The following GRM7 variants were observed in gnomAD, a reference collection of about 807,000 sequenced individuals.
The protein encoded by GRM7 is glutamate metabotropic receptor 7.
Under a neutral mutation model 84.5 loss-of-function variants are expected in GRM7, and 35 were observed. That is an observed-to-expected ratio of 0.41 (90% CI 0.32 to 0.55). The LOEUF is 0.55. GRM7 is among the 20% of genes least tolerant of loss of function. The pLI is 0.19. For missense variants in GRM7, 1,003 were observed against 1,194.6 expected, an observed-to-expected ratio of 0.84 and a Z score of 2.36; for synonymous variants, 487 against 455.1, an observed-to-expected ratio of 1.07 and a Z score of -0.89.
At chr3:6,969,146 T>C (rs1327409330) in intron 1 of GRM7, among the ~76,000 whole-genome samples, 1 of 152,092 alleles carries the variant, frequency 6.6e-6, no homozygotes, top group Non-Finnish European at 1.5e-5. Context: ...ATCCTTTTTA[T>C]TTTGCTTGCT....
intron 1 of GRM7, among the ~76,000 whole-genome samples, chr3:7,124,231 C>T (rs1312250420): frequency 1.3e-5 from 2 of 152,140 alleles, no homozygotes; most frequent in Admixed American, 6.5e-5. Context: ...TCTGAAAATA[C>T]TTTAGTTGAA....
At chr3:7,483,498 A>G (rs1699209848) in intron 7 of GRM7, among the ~76,000 whole-genome samples, 1 of 152,228 alleles carries the variant, frequency 6.6e-6, no homozygotes. Context: ...TGTGATTGAC[A>G]GTAGAAGGTG....
chr3:7,226,537 A>G (rs1478821760), intron 2 of GRM7, among the ~76,000 whole-genome samples: 1 of 152,212 alleles, frequency 6.6e-6, no homozygotes, highest in Non-Finnish European at 1.5e-5. Context: ...TAACACAATC[A>G]TAGGAGTGAC....
intron 1 of GRM7, among the ~76,000 whole-genome samples, chr3:7,068,192 G>GT (rs1402420052): frequency 6.6e-6 from 1 of 151,966 alleles, no homozygotes; most frequent in Non-Finnish European, 1.5e-5. Context: ...TAGAATAAAT[G>GT]TAACATGTAC....
chr3:7,566,858 T>C (rs935892594), intron 7 of GRM7, among the ~76,000 whole-genome samples: 1 of 152,138 alleles, frequency 6.6e-6, no homozygotes, highest in Non-Finnish European at 1.5e-5. Flanking sequence ...CTTAGGGGTA[T>C]AGAAAGGTTT....
intron 1 of GRM7, among the ~76,000 whole-genome samples, chr3:7,078,123 G>C (rs1352833754): frequency 6.6e-6 from 1 of 152,142 alleles, no homozygotes; most frequent in Non-Finnish European, 1.5e-5. Flanking sequence ...AAAAGAGAAG[G>C]CTTTGCAATT....
chr3:7,320,487 T>C (rs1170377099), intron 4 of GRM7, among the ~76,000 whole-genome samples: 1 of 152,072 alleles, frequency 6.6e-6, no homozygotes, highest in Non-Finnish European at 1.5e-5. Context: ...TCTCTATCCC[T>C]GTCTTTGGAG....
intron 4 of GRM7, among the ~76,000 whole-genome samples, chr3:7,337,688 A>G (rs948869131): frequency 2.0e-5 from 3 of 152,134 alleles, no homozygotes; most frequent in Admixed American, 1.3e-4. Flanking sequence ...GGAAATGCAA[A>G]TCAAAACCAC....
intron 2 of GRM7, among the ~76,000 whole-genome samples, chr3:7,241,498 A>G (rs978025806): frequency 6.6e-6 from 1 of 152,124 alleles, no homozygotes; most frequent in African/African-American, 2.4e-5. Context: ...CATCTCATCA[A>G]TCTGAGGTCA....
chr3:7,159,078 T>G (rs1694542814), intron 2 of GRM7, among the ~76,000 whole-genome samples: 1 of 152,184 alleles, frequency 6.6e-6, no homozygotes, highest in Non-Finnish European at 1.5e-5. Context: ...AGGGTTTCTT[T>G]TATGTATCCA....
intron 1 of GRM7, among the ~76,000 whole-genome samples, chr3:7,008,692 T>C (rs1473138894): frequency 2.0e-5 from 3 of 152,228 alleles, no homozygotes; most frequent in Non-Finnish European, 1.5e-5. Flanking sequence ...GAAGTACTAG[T>C]TGTTTTTACC....
At chr3:7,669,526 T>G (rs1002450311) in intron 8 of GRM7, among the ~76,000 whole-genome samples, 1 of 152,206 alleles carries the variant, frequency 6.6e-6, no homozygotes, top group Non-Finnish European at 1.5e-5. Flanking sequence ...TTTGAGCTAA[T>G]GCAGCAGGAC....
At chr3:7,117,720 A>T (rs189062553) in intron 1 of GRM7, among the ~76,000 whole-genome samples, 1 of 152,322 alleles carries the variant, frequency 6.6e-6, no homozygotes, top group East Asian at 1.9e-4. Flanking sequence ...CTTATGGGCC[A>T]TGTGAAGTTG....
At chr3:7,168,036 C>G (rs1463742433) in intron 2 of GRM7, among the ~76,000 whole-genome samples, 4 of 142,578 alleles carry the variant, frequency 2.8e-5, no homozygotes, top group African/African-American at 1.0e-4. Context: ...AAAATCTGTC[C>G]CAATTAAAGT....
intron 1 of GRM7, among the ~76,000 whole-genome samples, chr3:7,111,441 A>G (rs1022293454): frequency 6.6e-6 from 1 of 152,148 alleles, no homozygotes; most frequent in African/African-American, 2.4e-5. Flanking sequence ...GCATTTAGGA[A>G]GTAAAATCAG....
At chr3:7,146,820 G>C in intron 2 of GRM7, 152 bp downstream of exon 2, 1 of 616,558 alleles carries the variant, frequency 1.6e-6, no homozygotes, top group Non-Finnish European at 2.8e-6. Context: ...GTATGACTTT[G>C]TTGTTTTTGG....
rs148929460 is a variant in GRM7 at position 7,187,572 on chromosome 3, G to A, written c.736+40904G>A. The stretch of plus-strand genomic sequence containing the variant: ...GAAGCAACAGTGTTACAGGTCTGAT[G>A]GCGTTGCAGCTCCGTGATTGCTCCT... On this transcript the variant is annotated intron_variant, in intron 2 of 9. Transcript: ENST00000357716. Among the ~76,000 whole-genome samples, 347 of 152,322 alleles carry A rather than the reference G, an allele frequency of 2.3e-3. 1 individual carries two copies. The highest frequency in any genetic ancestry group is 3.5e-3 in the Non-Finnish European group (239 of 68,030).
At chr3:7,715,201 T>A (rs887378429) in intron 9 of GRM7, among the ~76,000 whole-genome samples, 1 of 152,148 alleles carries the variant, frequency 6.6e-6, no homozygotes, top group Non-Finnish European at 1.5e-5. Context: ...GGCTCACACC[T>A]GCAATCCCAA....
At chr3:7,299,165 TA>T (rs1305867168) in intron 3 of GRM7, among the ~76,000 whole-genome samples, 3 of 152,224 alleles carry the variant, frequency 2.0e-5, no homozygotes, top group Non-Finnish European at 2.9e-5. Flanking sequence ...AAAAATGTCT[TA>T]AAATTCTGGT....
Sources: allele counts gnomAD v4.1 joint callset (sites outside exome capture counted in the v4.1 genomes callset), GRCh38; gene constraint gnomAD v4.1.1; transcripts MANE v1.5; gene names NCBI Gene and HGNC (gene_info 2026-07-23, HGNC 2026-07-21).